The following PCDHA3 variants were observed in gnomAD, a reference collection of about 807,000 sequenced individuals.
PCDHA3 encodes the protein protocadherin alpha 3.
A neutral mutation model predicts 62.2 loss-of-function variants in PCDHA3; 41 were observed. The ratio of observed to expected loss-of-function variants is 0.66; its 90% CI spans 0.51 to 0.86. The LOEUF is 0.86. Ranked by LOEUF, PCDHA3 falls within the 40% of genes least tolerant of loss-of-function variation. PCDHA3 has a pLI of 0.00. For synonymous variants in PCDHA3, 640 were observed against 555.4 expected (o/e 1.15, Z -2.14); for missense variants, 1,304 against 1,241.2 (o/e 1.05, Z -0.76).
At chr5:140,987,124 G>T (rs2097230182) in intron 3 of PCDHA3, among the ~76,000 whole-genome samples, 1 of 151,678 alleles carries the variant, frequency 6.6e-6, no homozygotes, top group Non-Finnish European at 1.5e-5. Flanking sequence ...TGAGGCAGGA[G>T]AATTGCTTGA....
intron 3 of PCDHA3, among the ~76,000 whole-genome samples, chr5:140,988,630 G>A (rs184253041): frequency 3.1e-4 from 47 of 152,192 alleles, no homozygotes; most frequent in African/African-American, 1.1e-3. Context: ...AGATGTCCTG[G>A]TTTTCTGAAA....
chr5:140,813,515 C>G (rs892169199), intron 1 of PCDHA3: 3 of 152,074 alleles, frequency 2.0e-5, no homozygotes, highest in Non-Finnish European at 4.4e-5. Context: ...AAACATTGTA[C>G]AGATTTTTAA....
At chr5:140,987,429 G>A (rs1402576200) in intron 3 of PCDHA3, among the ~76,000 whole-genome samples, 1 of 152,096 alleles carries the variant, frequency 6.6e-6, no homozygotes, top group Non-Finnish European at 1.5e-5. Context: ...GAAGCAGGGG[G>A]CCTTTCCCCA....
At chr5:140,884,129 C>T (rs1554181252) in intron 1 of PCDHA3, 1 of 1,613,420 alleles carries the variant, frequency 6.2e-7, no homozygotes, top group Non-Finnish European at 8.5e-7. Context: ...CGCGCGCATC[C>T]CGTTCCGCGT....
At chr5:140,938,322 A>G (rs1467948489) in intron 1 of PCDHA3, among the ~76,000 whole-genome samples, 1 of 152,240 alleles carries the variant, frequency 6.6e-6, no homozygotes, top group Admixed American at 6.5e-5. Context: ...ATTGAATAGA[A>G]GTAATGTTAA....
rs1413835554 is a variant in PCDHA3 at position 140,804,863 on chromosome 5, T to C, written c.2394+1272T>C. 8 of 544,984 alleles carry C rather than the reference T, an allele frequency of 1.5e-5. No individual in the cohort carries two copies. The Admixed American group carries it at 1.9e-4, about 13-fold the overall frequency. 33.8% of individuals were successfully genotyped at this position (544,984 alleles called of 1,614,324 possible). The stretch of plus-strand genomic sequence containing the variant: ...AGTGTGGGAGGTCTAACACGTAAAA[T>C]AGATATTTTTCTTGACTCCTCTCCT... On this transcript the variant is annotated intron_variant, in intron 1 of 3. Coordinates refer to ENST00000522353, the MANE Select transcript of PCDHA3 (RefSeq NM_018906.3).
At chr5:140,841,102 G>A (rs2150311111) in intron 1 of PCDHA3, 21 of 575,248 alleles carry the variant, frequency 3.7e-5, no homozygotes, top group Non-Finnish European at 9.0e-6. Flanking sequence ...CAGATATTGC[G>A]GAAGTAATTC....
chr5:140,964,600 A>G (rs1322521285), intron 1 of PCDHA3, among the ~76,000 whole-genome samples: 1 of 152,104 alleles, frequency 6.6e-6, no homozygotes, highest in Non-Finnish European at 1.5e-5. Flanking sequence ...TTTCATGACA[A>G]CTTACAACTT....
intron 1 of PCDHA3, chr5:140,882,709 T>G (rs782343997): frequency 6.2e-7 from 1 of 1,614,022 alleles, no homozygotes; most frequent in Non-Finnish European, 8.5e-7. Flanking sequence ...AATCTAGACC[T>G]CCGGAAACTC....
intron 3 of PCDHA3, among the ~76,000 whole-genome samples, chr5:140,991,311 G>A (rs1036350235): frequency 3.3e-5 from 5 of 152,108 alleles, no homozygotes; most frequent in Admixed American, 2.0e-4. Context: ...ATCTTGTCCC[G>A]CATGATACAT....
In PCDHA3 at chr5:140,848,334, A is replaced by G. The variant is rs2150408949; in HGVS notation, c.2394+44743A>G. ...TTGCCGCGATGTTCTCTCTGAATCC[A>G]GACAAATACAGCCCTTTTCCCATGG... On this transcript the variant is annotated intron_variant, in intron 1 of 3. Transcript: ENST00000522353. 43 of 850,658 alleles carry G rather than the reference A, an allele frequency of 5.1e-5. 3 individuals are homozygous for G. Among genetic ancestry groups the G allele is most frequent in the Non-Finnish European group, 7.6e-5 (41 of 539,362 alleles). 52.7% of individuals were successfully genotyped at this position (850,658 alleles called of 1,614,324 possible). A position where few individuals can be genotyped will look rare whatever the true frequency, so the allele number is the denominator to read the frequency against.
chr5:140,898,056 T>A (rs1330796298), intron 1 of PCDHA3, among the ~76,000 whole-genome samples: 5 of 152,202 alleles, frequency 3.3e-5, no homozygotes, highest in Admixed American at 3.3e-4. Context: ...TTCTTGTAAA[T>A]TTGTTTGAGT....
chr5:140,809,691 T>C (rs1453613485), intron 1 of PCDHA3: 26 of 1,253,618 alleles, frequency 2.1e-5, no homozygotes, highest in Non-Finnish European at 2.6e-5. Flanking sequence ...TTTTTACATA[T>C]CCATTTTAAC....
chr5:140,826,206 T>A (rs1768846872), intron 1 of PCDHA3, among the ~76,000 whole-genome samples: 1 of 152,236 alleles, frequency 6.6e-6, no homozygotes, highest in Non-Finnish European at 1.5e-5. Flanking sequence ...GGTCACATTT[T>A]AAAAAATCAA....
intron 1 of PCDHA3, chr5:140,816,428 T>C (rs1765903029): frequency 6.6e-6 from 1 of 152,222 alleles, no homozygotes; most frequent in Non-Finnish European, 1.5e-5. Flanking sequence ...ACTGAACATC[T>C]TTATGACAAT....
intron 1 of PCDHA3, among the ~76,000 whole-genome samples, chr5:140,837,663 C>A (rs1159426304): frequency 6.6e-6 from 1 of 150,710 alleles, no homozygotes; most frequent in Non-Finnish European, 1.5e-5. Context: ...CTTTTTCTTT[C>A]ATTCTTTTTC....
intron 1 of PCDHA3, chr5:140,928,999 G>C: frequency 1.2e-6 from 2 of 1,613,936 alleles, no homozygotes; most frequent in Non-Finnish European, 1.7e-6. Context: ...ACTTTTCTTC[G>C]TGTGTACCAA....
intron 1 of PCDHA3, chr5:140,966,887 G>A: frequency 6.3e-7 from 1 of 1,592,682 alleles, no homozygotes. Flanking sequence ...TGGCCCTGCG[G>A]CCTCCCAGCT....
Position 140,966,485 on chromosome 5 carries a change from C to G in PCDHA3, c.2395-12464C>G, listed in dbSNP as rs564574047. 5.5e-4 allele frequency: 237 copies of G among 432,246 alleles called. 1 individual carries two copies. The highest frequency in any genetic ancestry group is 4.6e-3 in the African/African-American group (223 of 48,858). 26.8% of individuals were successfully genotyped at this position (432,246 alleles called of 1,614,324 possible). A position where few individuals can be genotyped will look rare whatever the true frequency, so the allele number is the denominator to read the frequency against. Reference sequence around the variant, plus strand: ...TCTTCCCTTCTGTTTCCTTTTCCCTCCCCCTGGAGCTGTAGCGGCAGCAGC... The same window carrying G: ...TCTTCCCTTCTGTTTCCTTTTCCCTGCCCCTGGAGCTGTAGCGGCAGCAGC... On this transcript the variant is annotated intron_variant, in intron 1 of 3. Transcript: ENST00000522353.
Sources: allele counts gnomAD v4.1 joint callset (sites outside exome capture counted in the v4.1 genomes callset), GRCh38; gene constraint gnomAD v4.1.1; transcripts MANE v1.5; gene names NCBI Gene and HGNC (gene_info 2026-07-23, HGNC 2026-07-21).